CTDSPL: variants seen among roughly 807,000 people sequenced by gnomAD.
CTDSPL encodes CTD small phosphatase-like protein.
A neutral mutation model predicts 30.5 loss-of-function variants in CTDSPL; 8 were observed. The observed-to-expected ratio is 0.26, with a 90% CI of 0.15 to 0.47. The LOEUF is 0.47. Among genes scored for constraint, CTDSPL ranks in the 20% least tolerant of loss-of-function variants. CTDSPL has a pLI of 0.99. For synonymous variants in CTDSPL, 110 were observed against 137.9 expected (o/e 0.80, Z 1.42); for missense variants, 248 against 366.1 (o/e 0.68, Z 2.63).
At chr3:37,946,705 C>T (rs1699042892) in intron 1 of CTDSPL, among the ~76,000 whole-genome samples, 2 of 152,062 alleles carry the variant, frequency 1.3e-5, no homozygotes, top group Non-Finnish European at 2.9e-5. Context: ...TGAAGTAGTG[C>T]TTGGTGCAGG....
chr3:37,945,934 G>A (rs1575311651), intron 1 of CTDSPL, among the ~76,000 whole-genome samples: 1 of 152,356 alleles, frequency 6.6e-6, no homozygotes, highest in Middle Eastern at 3.4e-3. Context: ...GGAACTAGGT[G>A]TTACACAAAT....
At chr3:37,881,067 C>G (rs1698198420) in intron 1 of CTDSPL, among the ~76,000 whole-genome samples, 1 of 151,778 alleles carries the variant, frequency 6.6e-6, no homozygotes, top group Non-Finnish European at 1.5e-5. Context: ...TGGCTCCTAC[C>G]TGCTCATGTT....
intron 2 of CTDSPL, among the ~76,000 whole-genome samples, chr3:37,948,253 C>CA (rs1384799859): frequency 1.3e-5 from 2 of 151,728 alleles, no homozygotes; most frequent in Middle Eastern, 3.2e-3. Flanking sequence ...CACTGCACTC[C>CA]AGCCTGAGTG....
At chr3:37,908,051 C>T (rs1698538164) in intron 1 of CTDSPL, among the ~76,000 whole-genome samples, 1 of 152,212 alleles carries the variant, frequency 6.6e-6, no homozygotes, top group East Asian at 1.9e-4. Context: ...ATGGGCTTCC[C>T]CATAACCCTC....
At chr3:37,961,101 G>A (rs1699240094) in intron 3 of CTDSPL, among the ~76,000 whole-genome samples, 1 of 152,188 alleles carries the variant, frequency 6.6e-6, no homozygotes, top group African/African-American at 2.4e-5. Flanking sequence ...CATTTGGAAT[G>A]TATGTTGGTG....
chr3:37,893,700 G>C (rs1277527293), intron 1 of CTDSPL, among the ~76,000 whole-genome samples: 2 of 152,158 alleles, frequency 1.3e-5, no homozygotes, highest in East Asian at 3.9e-4. Flanking sequence ...AATATTCCTT[G>C]ATTTTCTTAG....
chr3:37,897,150 T>C (rs1196775283), intron 1 of CTDSPL, among the ~76,000 whole-genome samples: 1 of 152,218 alleles, frequency 6.6e-6, no homozygotes, highest in East Asian at 1.9e-4. Context: ...CTGTAAGATA[T>C]ACAGTAATAC....
intron 1 of CTDSPL, among the ~76,000 whole-genome samples, chr3:37,888,534 A>G (rs1461137335): frequency 6.6e-6 from 1 of 152,168 alleles, no homozygotes; most frequent in East Asian, 1.9e-4. Context: ...GTTTTTGGGT[A>G]GGAGATGCTG....
rs78494042 is a variant in CTDSPL at position 37,958,422 on chromosome 3, A to T, written c.267+1279A>T. ...AATACCAGAAGACTCTTTAACCTTT[A>T]TATAAAGTAGTTTTTGACATATTTT... On this transcript the variant is annotated intron_variant, in intron 3 of 7. Coordinates refer to ENST00000273179, the MANE Select transcript of CTDSPL (RefSeq NM_001008392.2). Among the ~76,000 whole-genome samples the T allele has an allele frequency of 8.5e-5, 13 of 152,322 alleles. No individual in the cohort carries two copies. The East Asian group carries it at 2.5e-3, about 29-fold the overall frequency.
chr3:37,948,913 C>T (rs1381397233), intron 2 of CTDSPL, among the ~76,000 whole-genome samples: 38 of 149,162 alleles, frequency 2.5e-4, no homozygotes, highest in African/African-American at 8.2e-4. Flanking sequence ...CTCCGCTTCC[C>T]GGGTTCACGC....
chr3:37,888,773 G>T (rs1698291125), intron 1 of CTDSPL, among the ~76,000 whole-genome samples: 1 of 152,212 alleles, frequency 6.6e-6, no homozygotes, highest in South Asian at 2.1e-4. Context: ...GGCCAGAATA[G>T]CTTGGTTGTT....
intron 3 of CTDSPL, among the ~76,000 whole-genome samples, chr3:37,962,586 A>T (rs1054841518): frequency 6.6e-6 from 1 of 152,224 alleles, no homozygotes; most frequent in South Asian, 2.1e-4. Context: ...AGTAATCTTT[A>T]TTCTTGGGTT....
intron 1 of CTDSPL, among the ~76,000 whole-genome samples, chr3:37,942,228 T>C (rs1698986506): frequency 6.6e-6 from 1 of 150,552 alleles, no homozygotes; most frequent in Non-Finnish European, 1.5e-5. Flanking sequence ...TTTCTCCTAG[T>C]TGTCAGATAG....
chr3:37,883,776 T>C (rs1190069507), intron 1 of CTDSPL, among the ~76,000 whole-genome samples: 1 of 152,184 alleles, frequency 6.6e-6, no homozygotes, highest in African/African-American at 2.4e-5. Context: ...AGATACATGA[T>C]TGTTCAGATC....
At chr3:37,934,591 T>C (rs555551370) in intron 1 of CTDSPL, among the ~76,000 whole-genome samples, 2 of 152,344 alleles carry the variant, frequency 1.3e-5, no homozygotes, top group East Asian at 3.9e-4. Flanking sequence ...CTAATTATTT[T>C]ATGGGAAGCA....
intron 2 of CTDSPL, 27 bp downstream of exon 2, chr3:37,947,238 T>A: frequency 6.3e-7 from 1 of 1,594,366 alleles, no homozygotes; most frequent in East Asian, 2.2e-5. Context: ...AACTGTGCCC[T>A]CCATAAAACT....
chr3:37,917,632 A>C (rs1055316644), intron 1 of CTDSPL, among the ~76,000 whole-genome samples: 2 of 152,330 alleles, frequency 1.3e-5, no homozygotes, highest in Middle Eastern at 6.8e-3. Context: ...CATTTAGTAC[A>C]CAGTATCACT....
chr3:37,901,088 C>T lies in CTDSPL; in HGVS notation c.79+38810C>T, dbSNP rs138126866. Among the ~76,000 whole-genome samples the T allele has an allele frequency of 8.9e-4, 136 of 152,308 alleles. 1 individual carries two copies. The highest frequency in any genetic ancestry group is 3.1e-3 in the African/African-American group (129 of 41,570). On this transcript the variant is annotated intron_variant, in intron 1 of 7. Transcript: ENST00000273179. ...CTGGGATTACAGGTGTGAGCCACCACGTACAGCCTGAGAACATCATATTTA... is the reference window on the plus strand; with the variant it reads ...CTGGGATTACAGGTGTGAGCCACCATGTACAGCCTGAGAACATCATATTTA...
At chr3:37,948,152 TG>T (rs1250372525) in intron 2 of CTDSPL, among the ~76,000 whole-genome samples, 1 of 151,876 alleles carries the variant, frequency 6.6e-6, no homozygotes, top group Non-Finnish European at 1.5e-5. Flanking sequence ...GGCATGGTGG[TG>T]GGCACCTGTA....
Sources: allele counts gnomAD v4.1 joint callset (sites outside exome capture counted in the v4.1 genomes callset), GRCh38; gene constraint gnomAD v4.1.1; transcripts MANE v1.5; gene names NCBI Gene and HGNC (gene_info 2026-07-23, HGNC 2026-07-21).